Variants in DCC observed in about 807,000 individuals in gnomAD.
DCC encodes the protein DCC netrin 1 receptor, also known as netrin receptor DCC.
In DCC, 58 loss-of-function variants were observed where a neutral mutation model predicts 172.5. That is an observed-to-expected ratio of 0.34 (90% CI 0.27 to 0.42). The LOEUF is 0.42. DCC is among the 10% of genes least tolerant of loss of function. DCC has a pLI of 1.00. For synonymous variants in DCC, 709 were observed against 644.5 expected, an observed-to-expected ratio of 1.10 and a Z score of -1.52; for missense variants, 1,740 against 1,791.0, an observed-to-expected ratio of 0.97 and a Z score of 0.51.
chr18:53,280,292 T>C (rs915362988), intron 12 of DCC, among the ~76,000 whole-genome samples: 3 of 152,158 alleles, frequency 2.0e-5, no homozygotes, highest in Admixed American at 1.3e-4. Context: ...GTTGGAGATT[T>C]ATTTTAGAGT....
At chr18:53,280,608 C>A (rs1598978608) in intron 12 of DCC, among the ~76,000 whole-genome samples, 1 of 152,136 alleles carries the variant, frequency 6.6e-6, no homozygotes, top group East Asian at 1.9e-4. Context: ...AGCACGGAAG[C>A]TTTCTCTGTG....
intron 15 of DCC, among the ~76,000 whole-genome samples, chr18:53,350,207 T>A (rs2057773933): frequency 6.6e-6 from 1 of 152,188 alleles, no homozygotes; most frequent in Non-Finnish European, 1.5e-5. Flanking sequence ...AAAACTATCA[T>A]GTCTTAAGGA....
intron 12 of DCC, among the ~76,000 whole-genome samples, chr18:53,265,890 C>A (rs1173423073): frequency 6.6e-6 from 1 of 152,104 alleles, no homozygotes; most frequent in Non-Finnish European, 1.5e-5. Context: ...TTCAAGGTTC[C>A]CGTTTTAAAT....
chr18:52,366,446 C>T (rs1026750836), intron 1 of DCC, among the ~76,000 whole-genome samples: 1 of 152,108 alleles, frequency 6.6e-6, no homozygotes, highest in Non-Finnish European at 1.5e-5. Context: ...ATTGGTAGAG[C>T]CGAGTGGCCT....
intron 1 of DCC, among the ~76,000 whole-genome samples, chr18:52,431,015 C>A (rs1228953050): frequency 1.3e-5 from 2 of 152,134 alleles, no homozygotes; most frequent in Non-Finnish European, 2.9e-5. Flanking sequence ...GAGGGATTAG[C>A]CCATCAAAAG....
chr18:53,321,131 C>T (rs551044608), intron 13 of DCC, among the ~76,000 whole-genome samples: 8 of 152,044 alleles, frequency 5.3e-5, no homozygotes, highest in Non-Finnish European at 8.8e-5. Flanking sequence ...TGTACATGAG[C>T]GTAATTACTT....
At chr18:53,167,590 C>T (rs62099226) in intron 8 of DCC, among the ~76,000 whole-genome samples, 13,597 of 152,182 alleles carry the variant, frequency 0.089, 796 homozygotes, top group Non-Finnish European at 0.14. Context: ...TTTAATTTCA[C>T]ATTTATTTAT....
chr18:52,457,311 G>T (rs181598624), intron 1 of DCC, among the ~76,000 whole-genome samples: 4 of 152,226 alleles, frequency 2.6e-5, no homozygotes, highest in South Asian at 4.2e-4. Flanking sequence ...TGAAGATAAT[G>T]CATTTGGTCA....
At chr18:52,661,803 G>A (rs992436420) in intron 1 of DCC, among the ~76,000 whole-genome samples, 6 of 152,352 alleles carry the variant, frequency 3.9e-5, no homozygotes, top group African/African-American at 1.4e-4. Context: ...TCTGCTGAAA[G>A]CAGAAAACAA....
intron 2 of DCC, among the ~76,000 whole-genome samples, chr18:52,902,993 G>C (rs1367435202): frequency 6.6e-6 from 1 of 152,080 alleles, no homozygotes; most frequent in Non-Finnish European, 1.5e-5. Context: ...AATTCTATTA[G>C]CCAATTCTGT....
chr18:52,534,378 T>C (rs2032232687), intron 1 of DCC, among the ~76,000 whole-genome samples: 1 of 152,090 alleles, frequency 6.6e-6, no homozygotes, highest in Non-Finnish European at 1.5e-5. Flanking sequence ...GAGAACAAAA[T>C]TTTAATACCT....
intron 5 of DCC, among the ~76,000 whole-genome samples, chr18:52,977,682 G>C (rs557975368): frequency 6.6e-6 from 1 of 151,988 alleles, no homozygotes; most frequent in Admixed American, 6.5e-5. Flanking sequence ...TCAGGAGATT[G>C]AGACCATCCT....
intron 11 of DCC, among the ~76,000 whole-genome samples, chr18:53,211,739 T>C (rs1598910711): frequency 6.6e-6 from 1 of 151,466 alleles, no homozygotes; most frequent in Non-Finnish European, 1.5e-5. Flanking sequence ...TAAAATAAAA[T>C]AAAATAAATA....
intron 8 of DCC, among the ~76,000 whole-genome samples, chr18:53,163,332 A>C (rs2144415208): frequency 6.6e-6 from 1 of 152,308 alleles, no homozygotes; most frequent in South Asian, 2.1e-4. Flanking sequence ...AGTTCAATAA[A>C]AACTTTAATT....
chr18:53,456,539 C>G (rs929965862), intron 23 of DCC, among the ~76,000 whole-genome samples: 2 of 152,150 alleles, frequency 1.3e-5, no homozygotes, highest in Admixed American at 1.3e-4. Flanking sequence ...ACAAACAAAA[C>G]CAAATAATTC....
intron 21 of DCC, among the ~76,000 whole-genome samples, chr18:53,432,568 A>G (rs1455701182): frequency 2.6e-5 from 4 of 152,146 alleles, no homozygotes. Flanking sequence ...GAAATTAACC[A>G]AGGTAACTAA....
intron 2 of DCC, among the ~76,000 whole-genome samples, chr18:52,791,050 TGGA>T (rs2037756554): frequency 6.6e-6 from 1 of 152,084 alleles, no homozygotes; most frequent in Admixed American, 6.6e-5. Context: ...ATGGTGGAGA[TGGA>T]GGAGCTGGTG....
rs575836379 is a variant in DCC, at chr18:52,722,660, C to A, written c.92-29394C>A. ...AAATGTCCTCCCAATTGTTCAGACGCATCTGTCCATTTCTTCTTTTTGAGG... is the reference window on the plus strand; with the variant it reads ...AAATGTCCTCCCAATTGTTCAGACGAATCTGTCCATTTCTTCTTTTTGAGG... On this transcript the variant is annotated intron_variant, in intron 1 of 28. Transcript: ENST00000442544. 1.1e-3 allele frequency among the ~76,000 whole-genome samples: 169 copies of A among 152,240 alleles called. 1 individual carries two copies. The highest frequency in any genetic ancestry group is 3.7e-3 in the African/African-American group (155 of 41,540).
intron 1 of DCC, among the ~76,000 whole-genome samples, chr18:52,457,013 A>G (rs954494309): frequency 2.0e-4 from 31 of 152,126 alleles, no homozygotes; most frequent in Admixed American, 2.0e-3. Context: ...AATCCCAATT[A>G]TACTTCACTT....
Sources: gnomAD v4.1 joint callset for allele counts (sites outside exome capture counted in the v4.1 genomes callset) on GRCh38, gnomAD v4.1.1 for gene constraint, MANE v1.5 for transcripts, NCBI Gene and HGNC (gene_info 2026-07-23, HGNC 2026-07-21) for gene names.